MAGI3: variants seen among roughly 807,000 people sequenced by gnomAD.
MAGI3 encodes the protein membrane associated guanylate kinase, WW and PDZ domain containing 3.
In MAGI3, 43 loss-of-function variants were observed where a neutral mutation model predicts 121.8. The observed-to-expected ratio is 0.35, with a 90% confidence interval of 0.28 to 0.46. MAGI3 has a LOEUF of 0.46. MAGI3 is among the 20% of genes least tolerant of loss of function. The pLI, the probability that MAGI3 is intolerant of heterozygous loss-of-function variation, is 1.00. For synonymous variants in MAGI3, 553 were observed against 639.3 expected, an observed-to-expected ratio of 0.86 and a Z score of 2.04; for missense variants, 1,547 against 1,797.3, an observed-to-expected ratio of 0.86 and a Z score of 2.52.
At position 113,658,178 on chromosome 1, in the gene MAGI3, A is replaced by G. The variant is rs1473892637; in HGVS notation, c.2630-902A>G. Reference sequence around the variant, plus strand: ...AATTCTCAGAGAACATAGAAGGAACATTTGTTTCCTAATACAAATGCTGCC... The same window carrying G: ...AATTCTCAGAGAACATAGAAGGAACGTTTGTTTCCTAATACAAATGCTGCC... On this transcript the variant is annotated intron_variant, in intron 15 of 20. Transcript: ENST00000307546. The surrounding 1 kb of genome is among the most constrained non-coding windows in gnomAD (Gnocchi z 4.0). Among the ~76,000 whole-genome samples the G allele has an allele frequency of 6.6e-6, 1 of 152,246 alleles. No homozygotes were observed. The highest frequency in any genetic ancestry group is 1.5e-5 in the Non-Finnish European group (1 of 68,044).
chr1:113,533,665 A>G (rs1557808279), intron 1 of MAGI3, among the ~76,000 whole-genome samples: 1 of 152,126 alleles, frequency 6.6e-6, no homozygotes, highest in Non-Finnish European at 1.5e-5. Context: ...CATTACCACC[A>G]CAACTCAGAA....
At chr1:113,457,177 G>A (rs558005236) in intron 1 of MAGI3, among the ~76,000 whole-genome samples, 28 of 152,120 alleles carry the variant, frequency 1.8e-4, no homozygotes, top group Non-Finnish European at 3.4e-4. Context: ...AGCCTGACTG[G>A]CTCCTATATT....
chr1:113,522,254 C>T (rs985406693), intron 1 of MAGI3, among the ~76,000 whole-genome samples: 17 of 152,230 alleles, frequency 1.1e-4, no homozygotes, highest in South Asian at 2.1e-4. Context: ...TACAGGCCTG[C>T]GCCACATGCC....
At chr1:113,444,623 C>A (rs192728748) in intron 1 of MAGI3, among the ~76,000 whole-genome samples, 1 of 152,246 alleles carries the variant, frequency 6.6e-6, no homozygotes, top group African/African-American at 2.4e-5. Flanking sequence ...ACCCAGCAAA[C>A]CCTGAGGAAA....
At chr1:113,475,486 A>T (rs932899285) in intron 1 of MAGI3, among the ~76,000 whole-genome samples, 1 of 152,136 alleles carries the variant, frequency 6.6e-6, no homozygotes, top group African/African-American at 2.4e-5. Context: ...ATCTATTGAG[A>T]TAATCATGTG....
At chr1:113,625,237 A>G (rs1013363131) in intron 9 of MAGI3, among the ~76,000 whole-genome samples, 8 of 152,134 alleles carry the variant, frequency 5.3e-5, no homozygotes, top group Admixed American at 2.0e-4. Flanking sequence ...GAAGAATGTC[A>G]TTGGTATTTT....
At chr1:113,670,823 T>C (rs931368984) in intron 16 of MAGI3, among the ~76,000 whole-genome samples, 3 of 152,242 alleles carry the variant, frequency 2.0e-5, no homozygotes, top group Non-Finnish European at 4.4e-5. Context: ...TAACAGATTT[T>C]CTCAAGAACA....
chr1:113,633,265 T>G (rs1651773875), intron 9 of MAGI3, among the ~76,000 whole-genome samples: 2 of 64,860 alleles, frequency 3.1e-5, no homozygotes, highest in South Asian at 1.5e-3. Flanking sequence ...TTTTTTTTTT[T>G]TTTTTTTTTT....
intron 1 of MAGI3, among the ~76,000 whole-genome samples, chr1:113,450,941 G>A (rs903532454): frequency 3.3e-5 from 5 of 152,138 alleles, no homozygotes; most frequent in African/African-American, 1.2e-4. Flanking sequence ...GCCACAGTTT[G>A]CAAAAAGTGC....
intron 2 of MAGI3, among the ~76,000 whole-genome samples, chr1:113,574,184 C>T (rs1403432512): frequency 2.0e-5 from 3 of 152,088 alleles, no homozygotes; most frequent in African/African-American, 4.8e-5. Flanking sequence ...GGGTATTCAG[C>T]CCATTTACAT....
intron 1 of MAGI3, among the ~76,000 whole-genome samples, chr1:113,478,267 A>C (rs985076012): frequency 3.3e-5 from 5 of 152,036 alleles, no homozygotes; most frequent in African/African-American, 1.2e-4. Context: ...AGCTTTGTTC[A>C]TTTGCTGGTG....
At chr1:113,593,753 A>G (rs1648834778) in intron 5 of MAGI3, among the ~76,000 whole-genome samples, 1 of 152,182 alleles carries the variant, frequency 6.6e-6, no homozygotes, top group African/African-American at 2.4e-5. Context: ...ACTATGACAT[A>G]TAATGAAATT....
intron 1 of MAGI3, among the ~76,000 whole-genome samples, chr1:113,513,860 A>T (rs1657746094): frequency 6.6e-6 from 1 of 152,140 alleles, no homozygotes; most frequent in South Asian, 2.1e-4. Context: ...AACAGGAGAA[A>T]ATTTTTGCAA....
At chr1:113,489,237 T>A (rs1268974992) in intron 1 of MAGI3, among the ~76,000 whole-genome samples, 3 of 147,544 alleles carry the variant, frequency 2.0e-5, no homozygotes, top group Non-Finnish European at 4.4e-5. Flanking sequence ...CCAATGCAAG[T>A]CCGCCAGAGT....
intron 2 of MAGI3, chr1:113,576,761 G>A (rs1199722614): frequency 2.0e-5 from 3 of 152,152 alleles, no homozygotes; most frequent in African/African-American, 7.2e-5. Context: ...GCTTTATGAG[G>A]TTGAAGTGAA....
At chr1:113,433,952 T>C (rs2101429794) in intron 1 of MAGI3, among the ~76,000 whole-genome samples, 1 of 152,298 alleles carries the variant, frequency 6.6e-6, no homozygotes, top group South Asian at 2.1e-4. Flanking sequence ...TCTTATCTCT[T>C]TCCTGGATGT....
Position 113,491,059 on chromosome 1 carries a change from A to C in MAGI3, c.317-58456A>C, listed in dbSNP as rs185029615. On this transcript the variant is annotated intron_variant, in intron 1 of 20. Transcript: ENST00000307546. ...CAACATCCACAGAACTCTCCACCCC[A>C]AAAAAACAGAATATACATTCTTATC... Among the ~76,000 whole-genome samples the C allele has an allele frequency of 4.6e-5, 7 of 152,282 alleles. No individual in the cohort carries two copies. In the East Asian group the frequency reaches 7.7e-4, roughly 17 times the overall value.
chr1:113,634,132 A>G (rs1406067091), intron 9 of MAGI3, among the ~76,000 whole-genome samples: 1 of 152,190 alleles, frequency 6.6e-6, no homozygotes, highest in Non-Finnish European at 1.5e-5. Context: ...GATTCTGGAT[A>G]TTAGCCCTTC....
chr1:113,409,635 T>C (rs1260074460), intron 1 of MAGI3, among the ~76,000 whole-genome samples: 1 of 152,110 alleles, frequency 6.6e-6, no homozygotes, highest in Non-Finnish European at 1.5e-5. Flanking sequence ...TAACATTTGG[T>C]ACCTTGTTAC....
Sources: allele counts gnomAD v4.1 joint callset (sites outside exome capture counted in the v4.1 genomes callset), GRCh38; gene constraint gnomAD v4.1.1; non-coding constraint Gnocchi (gnomAD v3.1); transcripts MANE v1.5; gene names NCBI Gene and HGNC (gene_info 2026-07-23, HGNC 2026-07-21).